Variants in SFMBT2 observed in about 807,000 individuals in gnomAD.
The protein encoded by SFMBT2 is Scm like with four mbt domains 2, also known as scm-like with four MBT domains protein 2.
In SFMBT2, 38 loss-of-function variants were observed where a neutral mutation model predicts 110.1. That is an observed-to-expected ratio of 0.35 (90% CI 0.27 to 0.45). SFMBT2 has a LOEUF of 0.45. SFMBT2 is among the 20% of genes least tolerant of loss of function. SFMBT2 has a pLI of 1.00. For missense variants in SFMBT2, 1,011 were observed against 1,094.9 expected, an observed-to-expected ratio of 0.92 and a Z score of 1.08; for synonymous variants, 425 against 425.4, an observed-to-expected ratio of 1.00 and a Z score of 0.01.
At chr10:7,270,232 GC>G (rs1437013633) in intron 7 of SFMBT2, among the ~76,000 whole-genome samples, 1 of 152,158 alleles carries the variant, frequency 6.6e-6, no homozygotes, top group Non-Finnish European at 1.5e-5. Context: ...ACCAAGCAAA[GC>G]CCAGGACACA....
At chr10:7,175,967 C>CT (rs1318784753) in intron 17 of SFMBT2, 23 bp downstream of exon 17, 3 of 1,598,126 alleles carry the variant, frequency 1.9e-6, no homozygotes, top group East Asian at 2.2e-5. Context: ...TCATGCATTT[C>CT]TTTTTTCATT....
chr10:7,369,433 T>C (rs930531431), intron 3 of SFMBT2, among the ~76,000 whole-genome samples: 5 of 152,240 alleles, frequency 3.3e-5, no homozygotes, highest in African/African-American at 1.2e-4. Flanking sequence ...ATATTATACA[T>C]TACCAGTATC....
Position 7,172,725 on chromosome 10 carries a change from G to A in SFMBT2, c.1985-64C>T, listed in dbSNP as rs1837926502. On this transcript the variant is annotated intron_variant, in intron 17 of 20. Transcript: ENST00000397167. The surrounding 1 kb of genome is among the most constrained non-coding windows in gnomAD (Gnocchi z 4.6). ...ACACACACAGACATGAACAGAGAGAGGAGAGAGAAAGAAGGGAAACGATTC... is the reference window on the plus strand; with the variant it reads ...ACACACACAGACATGAACAGAGAGAAGAGAGAGAAAGAAGGGAAACGATTC... 10 of 1,511,580 alleles carry A rather than the reference G, an allele frequency of 6.6e-6. No homozygotes were observed. Among genetic ancestry groups the A allele is most frequent in the East Asian group, 2.4e-5 (1 of 42,446 alleles). 93.6% of individuals were successfully genotyped at this position (1,511,580 alleles called of 1,614,324 possible).
intron 15 of SFMBT2, 69 bp from the exon 16 acceptor site, chr10:7,188,802 G>T: frequency 7.7e-7 from 1 of 1,299,424 alleles, no homozygotes; most frequent in Non-Finnish European, 1.1e-6. Context: ...AGGATGCTTT[G>T]AAAACCACAC....
At chr10:7,194,858 G>C (rs1838718713) in intron 15 of SFMBT2, among the ~76,000 whole-genome samples, 1 of 152,192 alleles carries the variant, frequency 6.6e-6, no homozygotes, top group African/African-American at 2.4e-5. Flanking sequence ...ATTGATCAGG[G>C]ATAACCACTT....
At chr10:7,175,191 A>G (rs1439235769) in intron 17 of SFMBT2, among the ~76,000 whole-genome samples, 1 of 152,174 alleles carries the variant, frequency 6.6e-6, no homozygotes, top group African/African-American at 2.4e-5. Context: ...TGCATTAGAG[A>G]GAACTGAGGG....
Position 7,170,847 on chromosome 10 carries a change from G to A in SFMBT2, c.2544+81C>T. 5.1e-6 allele frequency: 8 copies of A among 1,574,084 alleles called. No individual in the cohort carries two copies. The highest frequency in any genetic ancestry group is 7.0e-6 in the Non-Finnish European group (8 of 1,150,122). ...AAGAACCCCCTCGCAGGTGTCACGA[G>A]GAAGCCGGCTAGGACACGAGGTTCA... On this transcript the variant is annotated intron_variant, in intron 20 of 20. Transcript: ENST00000397167. The surrounding 1 kb of genome is among the most constrained non-coding windows in gnomAD (Gnocchi z 4.6).
At chr10:7,187,894 C>T (rs1157843061) in intron 16 of SFMBT2, among the ~76,000 whole-genome samples, 1 of 152,144 alleles carries the variant, frequency 6.6e-6, no homozygotes, top group Non-Finnish European at 1.5e-5. Flanking sequence ...CTAGTAAAAC[C>T]TATTCTATTT....
chr10:7,170,784 G>A lies in SFMBT2; in HGVS notation c.2544+144C>T. 1.1e-6 allele frequency: 1 copy of A among 919,558 alleles called. No homozygotes were observed. The highest frequency in any genetic ancestry group is 1.6e-5 in the African/African-American group (1 of 61,304). 57.0% of individuals were successfully genotyped at this position (919,558 alleles called of 1,614,324 possible). A position where few individuals can be genotyped will look rare whatever the true frequency, so the allele number is the denominator to read the frequency against. On this transcript the variant is annotated intron_variant, in intron 20 of 20. Transcript: ENST00000397167. The surrounding 1 kb of genome is among the most constrained non-coding windows in gnomAD (Gnocchi z 4.6). The stretch of plus-strand genomic sequence containing the variant: ...CAGGCAGCTCTCAGCAGGGGCCTTG[G>A]AGGGAGAAGGGTCTCGCACACCTGC...
intron 1 of SFMBT2, among the ~76,000 whole-genome samples, chr10:7,402,653 T>C (rs1846110509): frequency 6.6e-6 from 1 of 152,188 alleles, no homozygotes; most frequent in South Asian, 2.1e-4. Context: ...GCAAGAGCCT[T>C]TGATTCTCCA....
At chr10:7,311,852 C>A (rs1453620937) in intron 4 of SFMBT2, among the ~76,000 whole-genome samples, 1 of 152,170 alleles carries the variant, frequency 6.6e-6, no homozygotes, top group African/African-American at 2.4e-5. Context: ...AAGGCCCGGG[C>A]AACAATTCCT....
chr10:7,206,773 C>A, intron 11 of SFMBT2: 1 of 793,260 alleles, frequency 1.3e-6, no homozygotes, highest in Non-Finnish European at 1.5e-6. Context: ...AAATTTGGAA[C>A]TAGTTAAAAG....
At chr10:7,298,599 G>A (rs1222074832) in intron 4 of SFMBT2, among the ~76,000 whole-genome samples, 4 of 152,194 alleles carry the variant, frequency 2.6e-5, no homozygotes, top group African/African-American at 7.2e-5. Context: ...ATGTGTGAGT[G>A]TGTATGCATA....
At chr10:7,262,909 T>C (rs1039355536) in intron 7 of SFMBT2, among the ~76,000 whole-genome samples, 2 of 152,186 alleles carry the variant, frequency 1.3e-5, no homozygotes, top group Admixed American at 1.3e-4. Flanking sequence ...ATCCCACAGA[T>C]GAACCCCACC....
intron 4 of SFMBT2, among the ~76,000 whole-genome samples, chr10:7,315,036 AAGAGAAAGAAAGAAAGAAAG>A (rs1842956140): frequency 1.3e-5 from 1 of 79,412 alleles, no homozygotes; most frequent in Non-Finnish European, 2.6e-5. Flanking sequence ...GAAAGAAAGA[AAGAGAAAGAAAGAAAGAAAG>A]AAAGAAAGAA....
At chr10:7,316,832 T>C (rs1422930831) in intron 4 of SFMBT2, among the ~76,000 whole-genome samples, 2 of 152,104 alleles carry the variant, frequency 1.3e-5, no homozygotes, top group Non-Finnish European at 2.9e-5. Context: ...TGATATTACA[T>C]AGCCATAGTA....
intron 4 of SFMBT2, among the ~76,000 whole-genome samples, chr10:7,339,631 C>A (rs1046671953): frequency 1.3e-5 from 2 of 152,184 alleles, no homozygotes; most frequent in South Asian, 2.1e-4. Context: ...AATTAGACTG[C>A]ATCCTTAAAA....
chr10:7,309,826 A>G (rs888762441), intron 4 of SFMBT2, among the ~76,000 whole-genome samples: 3 of 152,232 alleles, frequency 2.0e-5, no homozygotes, highest in African/African-American at 7.2e-5. Context: ...GTCTGTAACA[A>G]TGAAAAACCA....
intron 12 of SFMBT2, chr10:7,202,769 T>C (rs990944642): frequency 2.0e-6 from 2 of 985,240 alleles, no homozygotes; most frequent in African/African-American, 3.5e-5. Context: ...AGCTACTTTA[T>C]TTTTAAATGT....
Sources: gnomAD v4.1 joint callset for allele counts (sites outside exome capture counted in the v4.1 genomes callset) on GRCh38, gnomAD v4.1.1 for gene constraint, Gnocchi (gnomAD v3.1) non-coding constraint, MANE v1.5 for transcripts, NCBI Gene and HGNC (gene_info 2026-07-23, HGNC 2026-07-21) for gene names.